The following MAL2 variants were observed in gnomAD, a reference collection of about 807,000 sequenced individuals.
MAL2 encodes mal, T cell differentiation protein 2, also known as protein MAL2.
A neutral mutation model predicts 18.1 loss-of-function variants in MAL2; 17 were observed. The observed-to-expected ratio is 0.94, with a 90% confidence interval of 0.64 to 1.41. The LOEUF (loss-of-function observed/expected upper bound fraction) is 1.41. Ranked by LOEUF, MAL2 falls within the 40% of genes most tolerant of loss-of-function variation. The pLI is 0.00. For synonymous variants in MAL2, 102 were observed against 102.3 expected (o/e 1.00, Z 0.02); for missense variants, 222 against 231.9 (o/e 0.96, Z 0.28).
At chr8:119,243,381 T>G in intron 3 of MAL2, 36 bp from the exon 4 acceptor site, 1 of 1,525,728 alleles carries the variant, frequency 6.6e-7, no homozygotes, top group African/African-American at 1.4e-5. Flanking sequence ...GTCGGTGTTG[T>G]AAATCTGATG....
At chr8:119,238,462 C>A (rs188188053) in intron 2 of MAL2, among the ~76,000 whole-genome samples, 1 of 152,022 alleles carries the variant, frequency 6.6e-6, no homozygotes, top group Admixed American at 6.6e-5. Flanking sequence ...GAGCCCGCAT[C>A]GCCAAGTCAA....
rs1196328908 is a variant in MAL2, at chr8:119,208,880, C to G, written c.132+276C>G. 6.5e-6 allele frequency: 2 copies of G among 305,796 alleles called. No homozygotes were observed. Among genetic ancestry groups the G allele is most frequent in the Non-Finnish European group, 1.1e-5 (2 of 175,410 alleles). 18.9% of individuals were successfully genotyped at this position (305,796 alleles called of 1,614,324 possible). On this transcript the variant is annotated intron_variant, in intron 1 of 3. Transcript: ENST00000614891. This position sits in a 1 kb window ranked among gnomAD's most constrained non-coding sequence, Gnocchi z 4.3. ...GCCCGGCAGGGCCGAACATTGGGGA[C>G]GTGGAGGAAAGAAAGGTGTTGGGGC...
At chr8:119,232,231 A>AT (rs1287603495) in intron 2 of MAL2, among the ~76,000 whole-genome samples, 6 of 151,994 alleles carry the variant, frequency 3.9e-5, no homozygotes, top group East Asian at 3.9e-4. Flanking sequence ...AATTAAAATA[A>AT]TTTTTTTTGA....
intron 2 of MAL2, chr8:119,223,692 T>TTGTA (rs1817518687): frequency 6.6e-6 from 1 of 152,212 alleles, no homozygotes; most frequent in Admixed American, 6.5e-5. Flanking sequence ...ACAGCGTTGA[T>TTGTA]TGTATGGTAG....
chr8:119,238,984 C>T (rs1371093736), intron 2 of MAL2, among the ~76,000 whole-genome samples: 2 of 151,618 alleles, frequency 1.3e-5, no homozygotes, highest in Non-Finnish European at 2.9e-5. Context: ...TCAGAGTGAA[C>T]AGGCAACCTA....
chr8:119,223,774 C>T (rs931075110), intron 2 of MAL2: 2 of 152,042 alleles, frequency 1.3e-5, no homozygotes, highest in Non-Finnish European at 2.9e-5. Context: ...GAAAGGGCTT[C>T]TCTTTTTTTC....
At chr8:119,241,742 T>G (rs1818051814) in intron 3 of MAL2, among the ~76,000 whole-genome samples, 1 of 152,180 alleles carries the variant, frequency 6.6e-6, no homozygotes, top group Non-Finnish European at 1.5e-5. Context: ...GAGTCATGGT[T>G]TTAGCTTTGA....
Position 119,211,100 on chromosome 8 carries a change from A to C in MAL2, c.132+2496A>C, listed in dbSNP as rs569344266. 2.0e-5 allele frequency among the ~76,000 whole-genome samples: 3 copies of C among 152,354 alleles called. No individual in the cohort carries two copies. In the South Asian group the frequency reaches 6.2e-4, roughly 32 times the overall value. On this transcript the variant is annotated intron_variant, in intron 1 of 3. Coordinates refer to ENST00000614891, the MANE Select transcript of MAL2 (RefSeq NM_052886.3). The stretch of plus-strand genomic sequence containing the variant: ...ACTCATCTTGAGTGGATGTACAGAT[A>C]GAAGCTAAGTGAACACTTTTGAAGC...
chr8:119,213,772 C>T (rs1459944388), intron 1 of MAL2, among the ~76,000 whole-genome samples: 2 of 152,054 alleles, frequency 1.3e-5, no homozygotes, highest in Non-Finnish European at 2.9e-5. Context: ...GAGCCAAGAT[C>T]GCACCATCAC....
At position 119,208,861 on chromosome 8, in the gene MAL2, C is replaced by T. The variant is rs535336658; in HGVS notation, c.132+257C>T. The T allele has an allele frequency of 2.7e-6, 1 of 367,072 alleles. No individual in the cohort carries two copies. Among genetic ancestry groups the T allele is most frequent in the Non-Finnish European group, 4.5e-6 (1 of 221,652 alleles). The allele number at this position is 367,072 out of a possible 1,614,324, so 22.7% of individuals were successfully genotyped here. ...TGGGGAGGGCGAGTAGGCGGCCCGG[C>T]AGGGCCGAACATTGGGGACGTGGAG... On this transcript the variant is annotated intron_variant, in intron 1 of 3. Coordinates refer to ENST00000614891, the MANE Select transcript of MAL2 (RefSeq NM_052886.3). This position sits in a 1 kb window ranked among gnomAD's most constrained non-coding sequence, Gnocchi z 4.3.
At chr8:119,231,027 T>TA (rs1817711783) in intron 2 of MAL2, among the ~76,000 whole-genome samples, 1 of 152,114 alleles carries the variant, frequency 6.6e-6, no homozygotes, top group African/African-American at 2.4e-5. Flanking sequence ...GAACAGTTTT[T>TA]TTTTTTATTT....
chr8:119,210,334 A>T (rs1234809106), intron 1 of MAL2, among the ~76,000 whole-genome samples: 2 of 152,160 alleles, frequency 1.3e-5, no homozygotes, highest in African/African-American at 4.8e-5. Context: ...ACCTGTAGTC[A>T]TGTCAGACTT....
chr8:119,223,485 A>G (rs1393761116), intron 2 of MAL2: 2 of 152,196 alleles, frequency 1.3e-5, no homozygotes, highest in Admixed American at 6.5e-5. Flanking sequence ...ACCCATTTGT[A>G]GCATTATATC....
chr8:119,222,535 A>AT (rs1817487299), intron 2 of MAL2, among the ~76,000 whole-genome samples: 2 of 151,910 alleles, frequency 1.3e-5, no homozygotes, highest in Non-Finnish European at 2.9e-5. Context: ...AAAAAAAAAA[A>AT]AAGAATTTGT....
chr8:119,232,904 G>A (rs903688815), intron 2 of MAL2, among the ~76,000 whole-genome samples: 1 of 152,138 alleles, frequency 6.6e-6, no homozygotes, highest in Non-Finnish European at 1.5e-5. Context: ...AGTTTTGAGT[G>A]AGTTTCTTAA....
intron 2 of MAL2, among the ~76,000 whole-genome samples, chr8:119,230,882 G>A (rs915569311): frequency 1.3e-5 from 2 of 152,150 alleles, no homozygotes; most frequent in Non-Finnish European, 2.9e-5. Flanking sequence ...TGGCCAGTAT[G>A]TAACACTTTT....
At chr8:119,230,842 A>ATGTATTTGAGCATCTCTCCTACAAAC (rs1817705677) in intron 2 of MAL2, among the ~76,000 whole-genome samples, 1 of 152,114 alleles carries the variant, frequency 6.6e-6, no homozygotes, top group Non-Finnish European at 1.5e-5. Flanking sequence ...GAATAACCAC[A>ATGTATTTGAGCATCTCTCCTACAAAC]TGTATTTGAG....
At position 119,231,757 on chromosome 8, in the gene MAL2, C is replaced by T. The variant is rs539083118; in HGVS notation, c.304-8408C>T. ...ACAATACTAATTGCCTTTAAAAAGG[C>T]AGAAATCCTGTCATTTGCAATATAG... On this transcript the variant is annotated intron_variant, in intron 2 of 3. Transcript: ENST00000614891. 2.6e-5 allele frequency among the ~76,000 whole-genome samples: 4 copies of T among 152,234 alleles called. No individual in the cohort carries two copies. In the South Asian group the frequency reaches 8.3e-4, roughly 32 times the overall value.
At chr8:119,240,705 A>T (rs1339124267) in intron 3 of MAL2, among the ~76,000 whole-genome samples, 1 of 152,180 alleles carries the variant, frequency 6.6e-6, no homozygotes, top group African/African-American at 2.4e-5. Flanking sequence ...ATTTCTATTG[A>T]ATGAATAGTT....
Sources: allele counts gnomAD v4.1 joint callset (sites outside exome capture counted in the v4.1 genomes callset), GRCh38; gene constraint gnomAD v4.1.1; non-coding constraint Gnocchi (gnomAD v3.1); transcripts MANE v1.5; gene names NCBI Gene and HGNC (gene_info 2026-07-23, HGNC 2026-07-21).